RYR2: variants seen among roughly 807,000 people sequenced by gnomAD.
RYR2 encodes the protein cardiac muscle ryanodine receptor-calcium release channel.
Under a neutral mutation model 601.1 loss-of-function variants are expected in RYR2, and 227 were observed. The ratio of observed to expected loss-of-function variants is 0.38; its 90% CI spans 0.34 to 0.42. The LOEUF (loss-of-function observed/expected upper bound fraction) is 0.42. Ranked by LOEUF, RYR2 falls within the 10% of genes least tolerant of loss-of-function variation. The pLI is 1.00. For synonymous variants in RYR2, 2,223 were observed against 2,175.1 expected, an observed-to-expected ratio of 1.02 and a Z score of -0.61; for missense variants, 4,646 against 6,156.5, an observed-to-expected ratio of 0.75 and a Z score of 8.21.
Position 237,566,631 on chromosome 1 carries a change from C to T in RYR2, c.3279C>T (p.Thr1093=), listed in dbSNP as rs985797214. The change falls in exon 28 of 105, where the codon ACC becomes ACT. Residue 1093 remains threonine, a synonymous_variant. Coordinates refer to ENST00000366574, the MANE Select transcript of RYR2 (RefSeq NM_001035.3). ...ERFRIFRAEK[T]YAVKAGRWYF... is the part of the protein sequence containing the mutation. Reference sequence around the variant, plus strand: ...TCCGAATCTTCCGTGCCGAGAAGACCTATGCAGTGAAGGCCGGACGGTGGT... The same window carrying T: ...TCCGAATCTTCCGTGCCGAGAAGACTTATGCAGTGAAGGCCGGACGGTGGT... 1.2e-6 allele frequency: 2 copies of T among 1,613,846 alleles called. No homozygotes were observed. The highest frequency in any genetic ancestry group is 2.2e-5 in the East Asian group (1 of 44,890).
At chr1:237,430,293 AT>A (rs1189869510) in intron 12 of RYR2, among the ~76,000 whole-genome samples, 1 of 151,458 alleles carries the variant, frequency 6.6e-6, no homozygotes, top group Non-Finnish European at 1.5e-5. Flanking sequence ...ATCTGGAAAA[AT>A]ATCCATGAAA....
chr1:237,075,271 A>G (rs1000326457), intron 1 of RYR2, among the ~76,000 whole-genome samples: 1 of 151,976 alleles, frequency 6.6e-6, no homozygotes, highest in Non-Finnish European at 1.5e-5. Flanking sequence ...CTGCGGGAGG[A>G]GCCAAGATGG....
In RYR2 at chr1:237,650,572, A is replaced by C. The variant is rs562483192; in HGVS notation, c.7733+475A>C. Among the ~76,000 whole-genome samples the C allele has an allele frequency of 2.0e-5, 3 of 152,388 alleles. No homozygotes were observed. The East Asian group carries it at 5.8e-4, about 29-fold the overall frequency. On this transcript the variant is annotated intron_variant, in intron 50 of 104. Coordinates refer to ENST00000366574, the MANE Select transcript of RYR2 (RefSeq NM_001035.3). ...GGCTGAATATTTCCTCCAACCTGGA[A>C]AACCATTTCCTATAAGTAGAAGTGC...
At chr1:237,092,558 GTC>G (rs1278576412) in intron 1 of RYR2, among the ~76,000 whole-genome samples, 10 of 128,826 alleles carry the variant, frequency 7.8e-5, no homozygotes, top group African/African-American at 3.0e-4. Flanking sequence ...GAGTCTCACT[GTC>G]TCTCTGTTGC....
intron 10 of RYR2, among the ~76,000 whole-genome samples, chr1:237,388,550 G>A (rs923800294): frequency 2.6e-5 from 4 of 152,148 alleles, no homozygotes; most frequent in Admixed American, 1.3e-4. Flanking sequence ...CAGTTTTGAA[G>A]TCAGAGTTCT....
rs2148431606 is a variant in RYR2 at position 237,589,992 on chromosome 1, A to G, written c.3798A>G (p.Glu1266=). 1 of 1,613,734 alleles carries G rather than the reference A, an allele frequency of 6.2e-7. No individual in the cohort carries two copies. Among genetic ancestry groups the G allele is most frequent in the East Asian group, 2.2e-5 (1 of 44,824 alleles). Residue 1266 remains glutamate, a synonymous_variant, in exon 30 of 105, where the codon GAA becomes GAG. Coordinates refer to ENST00000366574, the MANE Select transcript of RYR2 (RefSeq NM_001035.3). The stretch of plus-strand genomic sequence containing the variant: ...TTCTTCAAGTTCCATCAAACCATGA[A>G]CATATAGAGGTTTGCTTTTTCTTTA... ...PQFLQVPSNH[E]HIEVTRIDGT...
chr1:237,416,557 G>C (rs2150025980), intron 10 of RYR2, among the ~76,000 whole-genome samples: 1 of 152,208 alleles, frequency 6.6e-6, no homozygotes, highest in East Asian at 1.9e-4. Flanking sequence ...AAAATATTAA[G>C]AATTGTGTTC....
intron 1 of RYR2, among the ~76,000 whole-genome samples, chr1:237,216,863 C>G (rs1239145191): frequency 6.6e-6 from 1 of 151,974 alleles, no homozygotes; most frequent in African/African-American, 2.4e-5. Flanking sequence ...AAGTTAGGGT[C>G]TGAGTAGCAC....
At position 237,509,847 on chromosome 1, in the gene RYR2, C is replaced by T. The variant is rs12039102; in HGVS notation, c.2719-1841C>T. On this transcript the variant is annotated intron_variant, in intron 23 of 104. Coordinates refer to ENST00000366574, the MANE Select transcript of RYR2 (RefSeq NM_001035.3). ...GATAGCTGGCAATCAGAAAGCATGA[C>T]CGTGTAGTAGGCAGAGGACCTGGCA... Among the ~76,000 whole-genome samples, 6 of 152,238 alleles carry T rather than the reference C, an allele frequency of 3.9e-5. No homozygotes were observed. The East Asian group carries it at 1.2e-3, about 29-fold the overall frequency.
chr1:237,591,530 C>T (rs1573003947), intron 31 of RYR2, among the ~76,000 whole-genome samples: 1 of 151,998 alleles, frequency 6.6e-6, no homozygotes. Flanking sequence ...GGATGCTGAG[C>T]AGCATCCTGA....
At chr1:237,795,383 T>A (rs1274955855) in intron 96 of RYR2, 52 bp downstream of exon 96, 4 of 878,800 alleles carry the variant, frequency 4.6e-6, no homozygotes, top group Non-Finnish European at 7.2e-6. Flanking sequence ...GTTTAGATTT[T>A]TATTTGATGT....
At chr1:237,646,704 T>C (rs1682196464) in intron 48 of RYR2, among the ~76,000 whole-genome samples, 1 of 152,186 alleles carries the variant, frequency 6.6e-6, no homozygotes, top group Non-Finnish European at 1.5e-5. Flanking sequence ...TTCAGAAAAC[T>C]TGAGGAACAA....
rs149138548 is a variant in RYR2, at chr1:237,114,249, C to T, written c.48+71680C>T. Among the ~76,000 whole-genome samples, 78 of 152,298 alleles carry T rather than the reference C, an allele frequency of 5.1e-4. 1 individual carries two copies. The East Asian group carries it at 0.014, about 28-fold the overall frequency. ...CTGGTCAATATTACTAGGATTGGCC[C>T]AGATGCCACCAAATCCTTTTTTCTT... On this transcript the variant is annotated intron_variant, in intron 1 of 104. Transcript: ENST00000366574.
chr1:237,781,934 T>A (rs1695147770), intron 89 of RYR2, among the ~76,000 whole-genome samples: 1 of 152,164 alleles, frequency 6.6e-6, no homozygotes, highest in Non-Finnish European at 1.5e-5. Context: ...CTATAAAGAA[T>A]ATTTTATTTG....
At chr1:237,788,186 T>A in intron 92 of RYR2, 51 bp downstream of exon 92, 1 of 1,424,592 alleles carries the variant, frequency 7.0e-7, no homozygotes, top group Non-Finnish European at 9.6e-7. Context: ...AATACCGTAA[T>A]AATTTAGGCT....
In RYR2 at chr1:237,612,491, G is replaced by C. The variant is rs1677992293; in HGVS notation, c.4910+1503G>C. 2.6e-5 allele frequency among the ~76,000 whole-genome samples: 4 copies of C among 152,018 alleles called. No homozygotes were observed. The South Asian group carries it at 8.3e-4, about 32-fold the overall frequency. On this transcript the variant is annotated intron_variant, in intron 36 of 104. Transcript: ENST00000366574. ...AATCAAAGAAAAATTAATCTGGCTA[G>C]TTAATTCTTTTTATGTATTACATAT...
At chr1:237,701,831 T>C (rs1236039721) in intron 65 of RYR2, 147 bp from the exon 66 acceptor site, 6 of 543,528 alleles carry the variant, frequency 1.1e-5, no homozygotes, top group African/African-American at 9.6e-5. Flanking sequence ...CCCAGTTCCA[T>C]CCATGTTGCT....
chr1:237,148,523 A>T (rs866288848), intron 1 of RYR2, among the ~76,000 whole-genome samples: 3,969 of 47,370 alleles, frequency 0.084, 120 homozygotes, highest in African/African-American at 0.15. Context: ...AGTAAAAAAA[A>T]AAAAATATAT....
intron 1 of RYR2, among the ~76,000 whole-genome samples, chr1:237,139,572 G>A (rs80276960): frequency 0.024 from 3,586 of 152,274 alleles, 125 homozygotes; most frequent in East Asian, 0.14. Context: ...TATTAAGTAG[G>A]GAGTGAGTGG....
Sources: gnomAD v4.1 joint callset for allele counts (sites outside exome capture counted in the v4.1 genomes callset) on GRCh38, gnomAD v4.1.1 for gene constraint, MANE v1.5 for transcripts, NCBI Gene and HGNC (gene_info 2026-07-23, HGNC 2026-07-21) for gene names.